The following GSC variants were observed in gnomAD, a reference collection of about 807,000 sequenced individuals.
GSC encodes the protein goosecoid homeobox, also known as homeobox protein goosecoid.
In GSC, 13 loss-of-function variants were observed where a neutral mutation model predicts 24.5. That is an observed-to-expected ratio of 0.53 (90% confidence interval 0.35 to 0.84). GSC has a LOEUF of 0.84. GSC is among the 40% of genes least tolerant of loss of function. GSC has a pLI of 0.01. For synonymous variants in GSC, 199 were observed against 182.1 expected, an observed-to-expected ratio of 1.09 and a Z score of -0.75; for missense variants, 382 against 384.2, an observed-to-expected ratio of 0.99 and a Z score of 0.05.
intron 1 of GSC, 123 bp downstream of exon 1, chr14:94,769,538 A>G (rs1477901808): frequency 4.5e-6 from 6 of 1,341,630 alleles, no homozygotes; most frequent in Non-Finnish European, 5.8e-6. Flanking sequence ...CCTGCGCCCG[A>G]TCGGCAAAAG....
chr14:94,769,823 C>T lies in GSC; in HGVS notation c.193G>A (p.Gly65Ser), dbSNP rs1324470038. The T allele has an allele frequency of 7.1e-7, 1 of 1,413,244 alleles. No homozygotes were observed. The highest frequency in any genetic ancestry group is 3.5e-5 in the Admixed American group (1 of 28,196). The allele number at this position is 1,413,244 out of a possible 1,614,324, so 87.5% of individuals were successfully genotyped here. ...ACCGCGGCCGGGAGGCCCGCGCCGCCGGGGGCCACGGGGCGCGGGTAGAAG... is the reference window on the plus strand; with the variant it reads ...ACCGCGGCCGGGAGGCCCGCGCCGCTGGGGGCCACGGGGCGCGGGTAGAAG... ...GAFYPRPVAP[G>S]GAGLPAAVSG... The change falls in exon 1 of 3, where the codon GGC becomes AGC. Residue 65 changes from glycine to serine, a missense_variant. Transcript: ENST00000238558.
Position 94,769,256 on chromosome 14 carries a change from C to T in GSC, c.356-39G>A, listed in dbSNP as rs942731825. 6.5e-6 allele frequency: 10 copies of T among 1,539,856 alleles called. No individual in the cohort carries two copies. The Admixed American group carries it at 1.6e-4, about 24-fold the overall frequency. On this transcript the variant is annotated intron_variant, in intron 1 of 2. Coordinates refer to ENST00000238558, the MANE Select transcript of GSC (RefSeq NM_173849.3). ...GGGCGCACGGTCAGCCGCCCGCCCT[C>T]GCCACCGCACGCATGCACGCCCGCC...
rs774777528 is a variant in GSC at position 94,768,974 on chromosome 14, C to A, written c.599G>T (p.Arg200Leu). Residue 200 changes from arginine (R) to leucine (L), a missense_variant, in exon 2 of 3, where the codon CGC (arginine) becomes CTC (leucine). By Grantham distance (102) the Arg-to-Leu change is moderately radical (BLOSUM62 -2). Transcript: ENST00000238558. ...GGCGCCTACCTCCACTTTCTCCTCG[C>A]GGAGGTGCACTTTCCGGGCCAGCTG... is the stretch of plus-strand genomic sequence containing the variant. ...REQLARKVHL[R>L]EEKVEVWFKN... 3.1e-6 allele frequency: 5 copies of A among 1,589,684 alleles called. No individual in the cohort carries two copies.
Position 94,768,367 on chromosome 14 carries a change from C to T in GSC, c.*124G>A. ...CCCTCCCGGCTCTGTACACTATTTA[C>T]AGCTCCTCGTTCCTCTTTCTCGACC... On this transcript the variant is annotated 3_prime_UTR_variant, in exon 3 of 3. Coordinates refer to ENST00000238558, the MANE Select transcript of GSC (RefSeq NM_173849.3). The T allele has an allele frequency of 7.8e-7, 1 of 1,283,628 alleles. No homozygotes were observed. Among genetic ancestry groups the T allele is most frequent in the Non-Finnish European group, 1.1e-6 (1 of 890,002 alleles). The allele number at this position is 1,283,628 out of a possible 1,614,324, so 79.5% of individuals were successfully genotyped here.
In GSC at chr14:94,769,975, G is replaced by A. The variant is rs2139704189; in HGVS notation, c.41C>T (p.Ala14Val). The A allele has an allele frequency of 1.3e-6, 2 of 1,558,596 alleles. No homozygotes were observed. The highest frequency in any genetic ancestry group is 2.3e-5 in the East Asian group (1 of 42,834). Reference protein sequence around the residue: ...SMFSIDNILAARPRCKDSVLP... With the variant: ...SMFSIDNILAVRPRCKDSVLP... ...CACCGAGTCCTTGCAGCGCGGCCGGGCGGCTAGGATGTTGTCGATGCTGAA... is the reference window on the plus strand; with the variant it reads ...CACCGAGTCCTTGCAGCGCGGCCGGACGGCTAGGATGTTGTCGATGCTGAA... The change falls in exon 1 of 3, where the codon GCC becomes GTC. Residue 14 changes from alanine to valine, a missense_variant. Ala to Val is a moderately conservative substitution (Grantham distance 64, BLOSUM62 0). Coordinates refer to ENST00000238558, the MANE Select transcript of GSC (RefSeq NM_173849.3).
chr14:94,769,328 G>T, intron 1 of GSC, 111 bp from the exon 2 acceptor site: 1 of 1,389,382 alleles, frequency 7.2e-7, no homozygotes, highest in Non-Finnish European at 9.7e-7. Flanking sequence ...AGGGGATGCT[G>T]AGAATTGGGG....
rs1399222977 is a variant in GSC at position 94,769,896 on chromosome 14, C to T, written c.120G>A (p.Gly40=). 6 of 1,516,934 alleles carry T rather than the reference C, an allele frequency of 4.0e-6. No homozygotes were observed. Among genetic ancestry groups the T allele is most frequent in the African/African-American group, 2.9e-5 (2 of 70,002 alleles). 94.0% of individuals were successfully genotyped at this position (1,516,934 alleles called of 1,614,324 possible). A position where few individuals can be genotyped will look rare whatever the true frequency, so the allele number is the denominator to read the frequency against. ...CGCCGCTGGCGCCGTAGAGCGAGTC[C>T]CCGTGCAGGGCCGGGAAGACGACGG... ...AAPVVFPALH[G]DSLYGASGGA... Residue 40 remains glycine, a synonymous_variant, in exon 1 of 3, where the codon GGG becomes GGA. Coordinates refer to ENST00000238558, the MANE Select transcript of GSC (RefSeq NM_173849.3).
chr14:94,769,667 G>T lies in GSC; in HGVS notation c.349C>A (p.Pro117Thr). Residue 117 changes from proline to threonine, a missense_variant, in exon 1 of 3, where the codon CCC (proline) becomes ACC (threonine). Physicochemically the swap from Pro to Thr is conservative, Grantham distance 38. Coordinates refer to ENST00000238558, the MANE Select transcript of GSC (RefSeq NM_173849.3). ...GGAGCGAGCGCGACCCTACCTGGGG[G>T]CGTCGGGACGCAGGAGCACTGCTGG... The part of the protein sequence containing the change: ...GAQQCSCVPT[P>T]PGYEGPGSVL... The T allele has an allele frequency of 7.0e-7, 1 of 1,438,566 alleles. No homozygotes were observed. Among genetic ancestry groups the T allele is most frequent in the Non-Finnish European group, 9.0e-7 (1 of 1,106,330 alleles). The allele number at this position is 1,438,566 out of a possible 1,614,324, so 89.1% of individuals were successfully genotyped here.
In GSC at chr14:94,768,465, T is replaced by C; in HGVS notation, c.*26A>G. The C allele has an allele frequency of 6.2e-7, 1 of 1,613,938 alleles. No individual in the cohort carries two copies. ...GTGCAAGTCCTTCGAGTTAGGTAAG[T>C]AATACGGGCAAGTGTCCCGCGGCCG... On this transcript the variant is annotated 3_prime_UTR_variant, in exon 3 of 3. Transcript: ENST00000238558.
intron 2 of GSC, 91 bp from the exon 3 acceptor site, chr14:94,768,740 C>G: frequency 6.5e-7 from 1 of 1,543,086 alleles, no homozygotes; most frequent in Non-Finnish European, 8.8e-7. Context: ...GGCGGCGGGA[C>G]ACCCCGCGCA....
chr14:94,770,077 T>C lies in GSC; in HGVS notation c.-62A>G, dbSNP rs1044844140. On this transcript the variant is annotated 5_prime_UTR_variant, in exon 1 of 3. Transcript: ENST00000238558. ...ACGCGCCGAGGACAGAGCCTTAAAG[T>C]GGGGGGGTCCACTCTCCTCCAGCCG... 9.0e-6 allele frequency: 13 copies of C among 1,445,086 alleles called. No homozygotes were observed. The highest frequency in any genetic ancestry group is 1.2e-5 in the Non-Finnish European group (13 of 1,080,554). 89.5% of individuals were successfully genotyped at this position (1,445,086 alleles called of 1,614,324 possible).
In GSC at chr14:94,768,331, C is replaced by T; in HGVS notation, c.*160G>A. On this transcript the variant is annotated 3_prime_UTR_variant, in exon 3 of 3. Coordinates refer to ENST00000238558, the MANE Select transcript of GSC (RefSeq NM_173849.3). Reference sequence around the variant, plus strand: ...CTGCTGGGCTGTGCGCGCCCTGACCCCAGACGCCGACCCTCCCGGCTCTGT... The same window carrying T: ...CTGCTGGGCTGTGCGCGCCCTGACCTCAGACGCCGACCCTCCCGGCTCTGT... 1 of 953,644 alleles carries T rather than the reference C, an allele frequency of 1.0e-6. No individual in the cohort carries two copies. Among genetic ancestry groups the T allele is most frequent in the Non-Finnish European group, 1.6e-6 (1 of 618,092 alleles). 59.1% of individuals were successfully genotyped at this position (953,644 alleles called of 1,614,324 possible). A position where few individuals can be genotyped will look rare whatever the true frequency, so the allele number is the denominator to read the frequency against.
At position 94,769,131 on chromosome 14, in the gene GSC, C is replaced by T. The variant is rs527327953; in HGVS notation, c.442G>A (p.Glu148Lys). 11 of 1,576,702 alleles carry T rather than the reference C, an allele frequency of 7.0e-6. No individual in the cohort carries two copies. In the African/African-American group the frequency reaches 1.3e-4, roughly 19 times the overall value. The change falls in exon 2 of 3, where the codon GAG becomes AAG. Residue 148 changes from glutamate to lysine, a missense_variant. Glu to Lys is a moderately conservative substitution (Grantham distance 56, BLOSUM62 1). Transcript: ENST00000238558. ...YMNVGTLSRT[E>K]LQLLNQLHCR... is the part of the protein sequence containing the mutation. Reference sequence around the variant, plus strand: ...TGCAGCTGGTTGAGAAGCTGCAGCTCGGTGCGCGACAGCGTGCCCACGTTC... The same window carrying T: ...TGCAGCTGGTTGAGAAGCTGCAGCTTGGTGCGCGACAGCGTGCCCACGTTC...
At chr14:94,769,579 T>C (rs1885241391) in intron 1 of GSC, 82 bp downstream of exon 1, 2 of 1,396,350 alleles carry the variant, frequency 1.4e-6, no homozygotes, top group Non-Finnish European at 1.8e-6. Flanking sequence ...GGAGCAAAGT[T>C]TGAGGAAGGT....
In GSC at chr14:94,769,854, A is replaced by G. The variant is rs923855933; in HGVS notation, c.162T>C (p.Tyr54=). 18 of 1,483,866 alleles carry G rather than the reference A, an allele frequency of 1.2e-5. No individual in the cohort carries two copies. Among genetic ancestry groups the G allele is most frequent in the Middle Eastern group, 2.2e-4 (1 of 4,526 alleles). The allele number at this position is 1,483,866 out of a possible 1,614,324, so 91.9% of individuals were successfully genotyped here. ...CCACGGGGCGCGGGTAGAAGGCGCC[A>G]TAGTCCGAGGAGGCGCCGCCGCTGG... ...YGASGGASSD[Y]GAFYPRPVAP... The change falls in exon 1 of 3, where the codon TAT becomes TAC. Residue 54 remains tyrosine, a synonymous_variant. Coordinates refer to ENST00000238558, the MANE Select transcript of GSC (RefSeq NM_173849.3).
chr14:94,769,958 C>A lies in GSC; in HGVS notation c.58G>T (p.Asp20Tyr). 1 of 1,554,940 alleles carries A rather than the reference C, an allele frequency of 6.4e-7. No individual in the cohort carries two copies. The highest frequency in any genetic ancestry group is 8.6e-7 in the Non-Finnish European group (1 of 1,158,726). Residue 20 changes from aspartate (D) to tyrosine (Y), a missense_variant, in exon 1 of 3, where the codon GAC becomes TAC. Coordinates refer to ENST00000238558, the MANE Select transcript of GSC (RefSeq NM_173849.3). Reference sequence around the variant, plus strand: ...CTGTGCGCCACCGGCAACACCGAGTCCTTGCAGCGCGGCCGGGCGGCTAGG... The same window carrying A: ...CTGTGCGCCACCGGCAACACCGAGTACTTGCAGCGCGGCCGGGCGGCTAGG... ...NILAARPRCK[D>Y]SVLPVAHSAA...
chr14:94,769,874 C>T lies in GSC; in HGVS notation c.142G>A (p.Gly48Ser). Residue 48 changes from glycine to serine, a missense_variant, in exon 1 of 3, where the codon GGC becomes AGC. Coordinates refer to ENST00000238558, the MANE Select transcript of GSC (RefSeq NM_173849.3). ...LHGDSLYGAS[G>S]GASSDYGAFY... ...GCGCCATAGTCCGAGGAGGCGCCGC[C>T]GCTGGCGCCGTAGAGCGAGTCCCCG... 1 of 1,498,762 alleles carries T rather than the reference C, an allele frequency of 6.7e-7. No homozygotes were observed. Among genetic ancestry groups the T allele is most frequent in the Non-Finnish European group, 8.8e-7 (1 of 1,132,096 alleles). The allele number at this position is 1,498,762 out of a possible 1,614,324, so 92.8% of individuals were successfully genotyped here.
At chr14:94,768,865 C>T (rs995293182) in intron 2 of GSC, 93 bp downstream of exon 2, 3 of 1,498,030 alleles carry the variant, frequency 2.0e-6, no homozygotes, top group Non-Finnish European at 2.7e-6. Context: ...TTTTAAAGTG[C>T]GGGGAGAGCC....
At position 94,768,441 on chromosome 14, in the gene GSC, T is replaced by C; in HGVS notation, c.*50A>G. 6.2e-7 allele frequency: 1 copy of C among 1,607,852 alleles called. No homozygotes were observed. Among genetic ancestry groups the C allele is most frequent in the Non-Finnish European group, 8.5e-7 (1 of 1,174,376 alleles). Reference sequence around the variant, plus strand: ...GCAAGAAAGTAGCATCGTCTGTCTGTGCAAGTCCTTCGAGTTAGGTAAGTA... The same window carrying C: ...GCAAGAAAGTAGCATCGTCTGTCTGCGCAAGTCCTTCGAGTTAGGTAAGTA... On this transcript the variant is annotated 3_prime_UTR_variant, in exon 3 of 3. Coordinates refer to ENST00000238558, the MANE Select transcript of GSC (RefSeq NM_173849.3).
Sources: gnomAD v4.1 joint callset for allele counts on GRCh38, gnomAD v4.1.1 for gene constraint, MANE v1.5 for transcripts, NCBI Gene and HGNC (gene_info 2026-07-23, HGNC 2026-07-21) for gene names.